The following PMEL variants were observed in gnomAD, a reference collection of about 807,000 sequenced individuals.
The protein encoded by PMEL is melanocyte protein PMEL.
Under a neutral mutation model 64.9 loss-of-function variants are expected in PMEL, and 53 were observed. The ratio of observed to expected loss-of-function variants is 0.82; its 90% CI spans 0.66 to 1.03. PMEL has a LOEUF of 1.03. Ranked by LOEUF, PMEL falls within the 50% of genes least tolerant of loss-of-function variation. The pLI is 0.00. For missense variants in PMEL, 716 were observed against 814.9 expected (o/e 0.88, Z 1.48); for synonymous variants, 299 against 316.2 (o/e 0.95, Z 0.58).
At position 55,958,523 on chromosome 12, in the gene PMEL, G is replaced by C; in HGVS notation, c.419C>G (p.Ser140Cys). ...CIFPDGGPCP[S>C]GSWSQKRSFV... ...GCTTCTCTTCTGAGACCAAGAGCCA[G>C]ATGGGCAAGGTCCACCATCAGGGAA... Residue 140 changes from serine to cysteine, a missense_variant, in exon 4 of 11, where the codon TCT becomes TGT. By Grantham distance (112) the Ser-to-Cys change is moderately radical. Coordinates refer to ENST00000548747, the MANE Select transcript of PMEL (RefSeq NM_001384361.1). 6.2e-7 allele frequency: 1 copy of C among 1,614,156 alleles called. No individual in the cohort carries two copies. The highest frequency in any genetic ancestry group is 1.1e-5 in the South Asian group (1 of 91,084).
chr12:55,955,942 G>A, intron 7 of PMEL, 79 bp from the exon 8 acceptor site: 2 of 1,300,012 alleles, frequency 1.5e-6, no homozygotes, highest in Non-Finnish European at 2.2e-6. Flanking sequence ...AAGCCCCAGG[G>A]CTGCTCCACC....
rs1272403471 is a variant in PMEL at position 55,955,608 on chromosome 12, G to A, written c.1618C>T (p.Leu540=). ...GGGCTGGGTAGCACAGGCTGGCACA[G>A]CCGCTGGGCAGGGGGCTGGCACCCT... ...SPGCQPPAQR[L]CQPVLPSPAC... The change falls in exon 9 of 11, where the codon CTG becomes TTG. Residue 540 remains leucine, a synonymous_variant. Coordinates refer to ENST00000548747, the MANE Select transcript of PMEL (RefSeq NM_001384361.1). The A allele has an allele frequency of 6.2e-7, 1 of 1,613,840 alleles. No individual in the cohort carries two copies. The highest frequency in any genetic ancestry group is 8.5e-7 in the Non-Finnish European group (1 of 1,180,006).
At chr12:55,965,665 C>T (rs1016852129) in intron 1 of PMEL, among the ~76,000 whole-genome samples, 2 of 152,142 alleles carry the variant, frequency 1.3e-5, no homozygotes, top group African/African-American at 2.4e-5. Context: ...CCTTTGGAGC[C>T]CGTGCTCCAG....
chr12:55,955,047 G>A (rs1202476983), intron 10 of PMEL, among the ~76,000 whole-genome samples: 1 of 152,170 alleles, frequency 6.6e-6, no homozygotes, highest in African/African-American at 2.4e-5. Flanking sequence ...CAGCCCCACA[G>A]GGCAAGTATT....
intron 7 of PMEL, 42 bp from the exon 8 acceptor site, chr12:55,955,905 G>A (rs1311107635): frequency 6.4e-7 from 1 of 1,551,344 alleles, no homozygotes; most frequent in Non-Finnish European, 8.9e-7. Context: ...TCCTCTACCT[G>A]GCCTCCCCAA....
At chr12:55,955,101 C>T (rs563399604) in intron 10 of PMEL, among the ~76,000 whole-genome samples, 173 bp downstream of exon 10, 1 of 152,286 alleles carries the variant, frequency 6.6e-6, no homozygotes, top group Admixed American at 6.5e-5. Context: ...AAGCTACTTC[C>T]CCCAGGTCCT....
chr12:55,964,923 CCT>C (rs1565778526), intron 1 of PMEL, among the ~76,000 whole-genome samples: 1 of 145,866 alleles, frequency 6.9e-6, no homozygotes, highest in Non-Finnish European at 1.5e-5. Flanking sequence ...GGCCTCATCC[CCT>C]TTCTTTTTTT....
intron 1 of PMEL, among the ~76,000 whole-genome samples, chr12:55,962,448 C>CA (rs1197796228): frequency 0.046 from 1,683 of 36,680 alleles, 51 homozygotes; most frequent in Non-Finnish European, 0.058. Flanking sequence ...GACTCCATCT[C>CA]AAAAAAAAAA....
chr12:55,954,910 A>G (rs936288043), intron 10 of PMEL, among the ~76,000 whole-genome samples: 3 of 152,196 alleles, frequency 2.0e-5, no homozygotes, highest in South Asian at 2.1e-4. Context: ...GTCTCAAAAA[A>G]AAAAAGAAAA....
rs1388211082 is a variant in PMEL at position 55,957,169 on chromosome 12, C to A, written c.1134G>T (p.Lys378Asn). Residue 378 changes from lysine to asparagine, a missense_variant, in exon 6 of 11, where the codon AAG becomes AAT. Physicochemically the swap from Lys to Asn is moderately conservative, Grantham distance 94 (BLOSUM62 0). Transcript: ENST00000548747. Reference protein sequence around the residue: ...TAESTGMTPEKVPVSEVMGTT... With the variant: ...TAESTGMTPENVPVSEVMGTT... ...TACCCATGACCTCTGAAACTGGCAC[C>A]TTCTCAGGTGTCATACCTGTGCTCT... The A allele has an allele frequency of 6.2e-7, 1 of 1,614,212 alleles. No homozygotes were observed. The highest frequency in any genetic ancestry group is 1.7e-5 in the Admixed American group (1 of 60,030).
chr12:55,962,925 G>T (rs1171243183), intron 1 of PMEL, among the ~76,000 whole-genome samples: 1 of 151,908 alleles, frequency 6.6e-6, no homozygotes, highest in Non-Finnish European at 1.5e-5. Context: ...CACTTTGAGA[G>T]GCCGAGGCAG....
At chr12:55,966,245 T>G (rs1183168583), upstream of PMEL, 5 of 614,296 alleles carry the variant, frequency 8.1e-6, no homozygotes, top group East Asian at 5.7e-5. Flanking sequence ...CTCATCTTGA[T>G]GCACTCCCGG....
rs1228625682 is a variant in PMEL, at chr12:55,957,619, C to T, written c.684G>A (p.Gly228=). 1.9e-6 allele frequency: 3 copies of T among 1,612,986 alleles called. No individual in the cohort carries two copies. The highest frequency in any genetic ancestry group is 2.2e-5 in the East Asian group (1 of 44,848). ...GCTGATTTCTCAGGAAGTGCTTGTT[C>T]CCTCCATCCAAGGCCCGCAACTGGG... ...SVSQLRALDG[G]NKHFLRNQPL... Residue 228 remains glycine (G), a synonymous_variant, in exon 6 of 11, where the codon GGG becomes GGA. Transcript: ENST00000548747.
At position 55,955,265 on chromosome 12, in the gene PMEL, G is replaced by T; in HGVS notation, c.1850+9C>A. On this transcript the variant is annotated intron_variant, in intron 10 of 10. Transcript: ENST00000548747. ...TAAGGGGGTCTGAGCTGTGTGATGA[G>T]GCCCTTACCTATATATCAGAGATGC... 1 of 1,582,156 alleles carries T rather than the reference G, an allele frequency of 6.3e-7. No individual in the cohort carries two copies. The highest frequency in any genetic ancestry group is 8.7e-7 in the Non-Finnish European group (1 of 1,153,260).
Position 55,955,320 on chromosome 12 carries a change from T to C in PMEL, c.1804A>G (p.Ile602Val). ...GLGQVPLIVGILLVLMAVVLA... is the reference protein window; with the variant it reads ...GLGQVPLIVGVLLVLMAVVLA... ...ACCACAGCCATCAACACCAGCAAGA[T>C]GCCCACGATCAGCGGAACCTGCCCA... The change falls in exon 10 of 11, where the codon ATC (isoleucine) becomes GTC (valine). Residue 602 changes from isoleucine (I) to valine (V), a missense_variant. Physicochemically the swap from Ile to Val is conservative, Grantham distance 29. Transcript: ENST00000548747. 2 of 1,614,208 alleles carry C rather than the reference T, an allele frequency of 1.2e-6. No homozygotes were observed. The highest frequency in any genetic ancestry group is 2.2e-5 in the South Asian group (2 of 91,088).
chr12:55,963,950 C>T (rs776044895), intron 1 of PMEL, among the ~76,000 whole-genome samples: 3 of 151,906 alleles, frequency 2.0e-5, no homozygotes, highest in Non-Finnish European at 4.4e-5. Context: ...CCCATTTTTC[C>T]CTTTCCTGCA....
At chr12:55,960,611 C>A (rs1410340954) in intron 3 of PMEL, among the ~76,000 whole-genome samples, 1 of 135,440 alleles carries the variant, frequency 7.4e-6, no homozygotes, top group Non-Finnish European at 1.5e-5. Flanking sequence ...GGCATGATCT[C>A]GGTTCACTGC....
intron 1 of PMEL, among the ~76,000 whole-genome samples, chr12:55,963,013 C>T (rs986038696): frequency 4.0e-5 from 6 of 151,724 alleles, no homozygotes; most frequent in Admixed American, 2.6e-4. Context: ...AAAAATTAGC[C>T]GGGCGTGGTA....
rs148243788 is a variant in PMEL at position 55,954,819 on chromosome 12, G to A, written c.1850+455C>T. Among the ~76,000 whole-genome samples, 5 of 152,154 alleles carry A rather than the reference G, an allele frequency of 3.3e-5. No homozygotes were observed. The East Asian group carries it at 7.7e-4, about 24-fold the overall frequency. On this transcript the variant is annotated intron_variant, in intron 10 of 10. Coordinates refer to ENST00000548747, the MANE Select transcript of PMEL (RefSeq NM_001384361.1). ...CTCGGGAAGCTGAAGCAGGAGAATC[G>A]CTTGAAACTGGAAGGTGGAGGTTGC...
Sources: allele counts gnomAD v4.1 joint callset (sites outside exome capture counted in the v4.1 genomes callset), GRCh38; gene constraint gnomAD v4.1.1; transcripts MANE v1.5; gene names NCBI Gene and HGNC (gene_info 2026-07-23, HGNC 2026-07-21).